The following ADAMTS17 variants were observed in gnomAD, a reference collection of about 807,000 sequenced individuals.
ADAMTS17 encodes ADAM metallopeptidase with thrombospondin type 1 motif 17, also known as A disintegrin and metalloproteinase with thrombospondin motifs 17.
A neutral mutation model predicts 141.5 loss-of-function variants in ADAMTS17; 113 were observed. That is an observed-to-expected ratio of 0.80 (90% confidence interval 0.69 to 0.93). The LOEUF (loss-of-function observed/expected upper bound fraction) is 0.93. Ranked by LOEUF, ADAMTS17 falls within the 40% of genes least tolerant of loss-of-function variation. ADAMTS17 has a pLI of 0.00. For synonymous variants in ADAMTS17, 768 were observed against 630.6 expected, an observed-to-expected ratio of 1.22 and a Z score of -3.27; for missense variants, 1,659 against 1,517.9, an observed-to-expected ratio of 1.09 and a Z score of -1.54.
At chr15:100,096,224 C>G (rs2035746751) in intron 15 of ADAMTS17, 132 bp downstream of exon 15, 1 of 1,473,170 alleles carries the variant, frequency 6.8e-7, no homozygotes, top group Admixed American at 1.8e-5. Flanking sequence ...AGAAATGAAA[C>G]TGAAGTTCCA....
At chr15:100,151,131 G>A (rs1343677802) in intron 10 of ADAMTS17, among the ~76,000 whole-genome samples, 1 of 152,168 alleles carries the variant, frequency 6.6e-6, no homozygotes, top group Non-Finnish European at 1.5e-5. Flanking sequence ...GCTGCTGGGG[G>A]CAGGAGGTAC....
intron 8 of ADAMTS17, among the ~76,000 whole-genome samples, chr15:100,185,685 G>A (rs1418827306): frequency 6.6e-6 from 1 of 152,188 alleles, no homozygotes. Context: ...GCTGTCGGGG[G>A]CTGCGCAGAG....
At chr15:100,237,333 T>C (rs1038830277) in intron 7 of ADAMTS17, among the ~76,000 whole-genome samples, 1 of 152,264 alleles carries the variant, frequency 6.6e-6, no homozygotes, top group Non-Finnish European at 1.5e-5. Flanking sequence ...TTAACTGCTT[T>C]TGGGGTCTCA....
intron 7 of ADAMTS17, among the ~76,000 whole-genome samples, chr15:100,230,550 T>C (rs2042448758): frequency 6.6e-6 from 1 of 152,182 alleles, no homozygotes; most frequent in African/African-American, 2.4e-5. Flanking sequence ...AATGGCATCA[T>C]AGCCGAAAAG....
chr15:100,039,170 A>G (rs1296837489), intron 18 of ADAMTS17, among the ~76,000 whole-genome samples: 1 of 152,164 alleles, frequency 6.6e-6, no homozygotes, highest in African/African-American at 2.4e-5. Context: ...AGACTTGTCC[A>G]TGTTGTTGAT....
At chr15:100,105,051 C>T (rs762570927) in intron 14 of ADAMTS17, among the ~76,000 whole-genome samples, 2 of 152,226 alleles carry the variant, frequency 1.3e-5, no homozygotes, top group African/African-American at 4.8e-5. Flanking sequence ...AGACAAATAG[C>T]AGATGGCTTT....
chr15:100,141,515 A>T (rs1468776643), intron 10 of ADAMTS17, among the ~76,000 whole-genome samples: 1 of 152,118 alleles, frequency 6.6e-6, no homozygotes, highest in East Asian at 1.9e-4. Flanking sequence ...TGAAAAAGTG[A>T]CTCATCCAAA....
At chr15:100,083,767 A>C (rs2034903621) in intron 15 of ADAMTS17, among the ~76,000 whole-genome samples, 1 of 149,668 alleles carries the variant, frequency 6.7e-6, no homozygotes, top group Admixed American at 6.7e-5. Flanking sequence ...ATGCTTTCCA[A>C]CCACATGTGA....
intron 2 of ADAMTS17, among the ~76,000 whole-genome samples, chr15:100,333,536 C>G (rs781398209): frequency 3.3e-5 from 5 of 152,226 alleles, no homozygotes; most frequent in Non-Finnish European, 4.4e-5. Flanking sequence ...GCCGTCCTAG[C>G]TTTTCACTGG....
chr15:99,992,951 G>A (rs1265502108), intron 20 of ADAMTS17, 97 bp downstream of exon 20: 4 of 1,485,548 alleles, frequency 2.7e-6, no homozygotes, highest in African/African-American at 2.8e-5. Flanking sequence ...CGCTGGGACT[G>A]CCGCGTAGAA....
chr15:100,304,407 A>T (rs930303083), intron 3 of ADAMTS17, among the ~76,000 whole-genome samples: 2 of 152,246 alleles, frequency 1.3e-5, no homozygotes, highest in Non-Finnish European at 2.9e-5. Flanking sequence ...TTGCCAGAAT[A>T]AATCTGTGAG....
chr15:100,051,327 CCCAT>C (rs2032122768), intron 17 of ADAMTS17, among the ~76,000 whole-genome samples: 3 of 152,210 alleles, frequency 2.0e-5, no homozygotes, highest in Non-Finnish European at 4.4e-5. Context: ...CCCCGCTTCA[CCCAT>C]AGGTCAGAGC....
At position 99,974,234 on chromosome 15, in the gene ADAMTS17, A is replaced by ATAT. The variant is rs973300178; in HGVS notation, c.*165_*167dup. On this transcript the variant is annotated 3_prime_UTR_variant, in exon 22 of 22. Transcript: ENST00000268070. ...AAGCCAGCCAGTGGCTGTTAACAATATATTAAGTACGGAAGCACTAATGGC... is the reference window on the plus strand; with the variant it reads ...AAGCCAGCCAGTGGCTGTTAACAATATATTATTAAGTACGGAAGCACTAATGGC... 14 of 787,176 alleles carry ATAT rather than the reference A, an allele frequency of 1.8e-5. No homozygotes were observed. The African/African-American group carries it at 2.4e-4, about 14-fold the overall frequency. The allele number at this position is 787,176 out of a possible 1,614,324, so 48.8% of individuals were successfully genotyped here.
At chr15:100,084,798 A>C (rs1296696041) in intron 15 of ADAMTS17, among the ~76,000 whole-genome samples, 1 of 152,232 alleles carries the variant, frequency 6.6e-6, no homozygotes, top group Non-Finnish European at 1.5e-5. Context: ...TGTCAGAAGG[A>C]AAACTAGCAA....
chr15:100,060,270 G>A (rs12915818), intron 15 of ADAMTS17, among the ~76,000 whole-genome samples: 5 of 152,092 alleles, frequency 3.3e-5, no homozygotes, highest in East Asian at 1.9e-4. Flanking sequence ...GCTCTCAACA[G>A]TTAGACTTCT....
intron 15 of ADAMTS17, among the ~76,000 whole-genome samples, chr15:100,070,513 G>A (rs536482791): frequency 6.7e-6 from 1 of 150,290 alleles, no homozygotes; most frequent in East Asian, 1.9e-4. Context: ...CTCAGCAAAT[G>A]TAAAACAATA....
intron 8 of ADAMTS17, among the ~76,000 whole-genome samples, chr15:100,177,398 CT>C (rs2040374695): frequency 6.6e-6 from 1 of 152,100 alleles, no homozygotes; most frequent in South Asian, 2.1e-4. Flanking sequence ...AGTTTCTTCT[CT>C]TATGGTTTAT....
Position 99,974,143 on chromosome 15 carries a change from A to C in ADAMTS17, c.*259T>G. The C allele has an allele frequency of 1.8e-6, 1 of 542,548 alleles. No homozygotes were observed. The highest frequency in any genetic ancestry group is 3.2e-5 in the East Asian group (1 of 31,208). 33.6% of individuals were successfully genotyped at this position (542,548 alleles called of 1,614,324 possible). ...TGTCTGCCAGAGGTGCTTCCCTTCG[A>C]GGTACCTGAAATCCTAGAAATTGAA... On this transcript the variant is annotated 3_prime_UTR_variant, in exon 22 of 22. Transcript: ENST00000268070.
chr15:100,306,236 T>C (rs961380231), intron 3 of ADAMTS17: 5 of 334,000 alleles, frequency 1.5e-5, no homozygotes, highest in Non-Finnish European at 2.4e-5. Flanking sequence ...CGGTGGGGTC[T>C]ATCTCTCTGC....
Sources: gnomAD v4.1 joint callset for allele counts (sites outside exome capture counted in the v4.1 genomes callset) on GRCh38, gnomAD v4.1.1 for gene constraint, MANE v1.5 for transcripts, NCBI Gene and HGNC (gene_info 2026-07-23, HGNC 2026-07-21) for gene names.